Variants in EBF2 observed in about 807,000 individuals in gnomAD.
EBF2 encodes the protein EBF transcription factor 2, also known as transcription factor COE2.
In EBF2, 21 loss-of-function variants were observed where a neutral mutation model predicts 72.8. The observed-to-expected ratio is 0.29, with a 90% CI of 0.20 to 0.42. EBF2 has a LOEUF of 0.42. Ranked by LOEUF, EBF2 falls within the 10% of genes least tolerant of loss-of-function variation. EBF2 has a pLI of 1.00. For missense variants in EBF2, 637 were observed against 731.2 expected (o/e 0.87, Z 1.49); for synonymous variants, 299 against 274.2 (o/e 1.09, Z -0.89).
chr8:25,877,679 A>G (rs1393549508), intron 10 of EBF2, among the ~76,000 whole-genome samples: 1 of 152,160 alleles, frequency 6.6e-6, no homozygotes, highest in Non-Finnish European at 1.5e-5. Context: ...GAGTGTGTGC[A>G]GTGGGACAGG....
chr8:25,927,579 C>G (rs1803407006), intron 6 of EBF2, among the ~76,000 whole-genome samples: 2 of 152,072 alleles, frequency 1.3e-5, no homozygotes, highest in African/African-American at 4.8e-5. Context: ...GTGGTCCTTT[C>G]TGCTAGGGTG....
intron 6 of EBF2, among the ~76,000 whole-genome samples, chr8:25,922,954 G>GC (rs571462060): frequency 7.0e-6 from 1 of 141,870 alleles, no homozygotes; most frequent in Non-Finnish European, 1.5e-5. Context: ...ACTACTAAAG[G>GC]AAAAAAAAAA....
Position 25,908,661 on chromosome 8 carries a change from T to C in EBF2, c.552-106A>G, listed in dbSNP as rs74844693. 164 of 803,436 alleles carry C rather than the reference T, an allele frequency of 2.0e-4. 3 individuals are homozygous for C. In the South Asian group the frequency reaches 2.8e-3, roughly 13 times the overall value. The allele number at this position is 803,436 out of a possible 1,614,324, so 49.8% of individuals were successfully genotyped here. On this transcript the variant is annotated intron_variant, in intron 6 of 15. Coordinates refer to ENST00000520164, the MANE Select transcript of EBF2 (RefSeq NM_022659.4). ...TTTGACAGCGATTCTATTTCAGATC[T>C]GGGGAATTTCAACCTGCCCTGCCTG...
chr8:25,861,200 G>A lies in EBF2; in HGVS notation c.1191C>T (p.Asp397=), dbSNP rs1563379055. 1 of 1,613,578 alleles carries A rather than the reference G, an allele frequency of 6.2e-7. No individual in the cohort carries two copies. ...NQDIILKRAA[D]IAEALYSVPR... ...GGACGCTGTAGAGAGCTTCAGCAAT[G>A]TCTGCGGCTCGCTTCAAAATGATGT... The change falls in exon 13 of 16, where the codon GAC becomes GAT. Residue 397 remains aspartate (D), a synonymous_variant. Coordinates refer to ENST00000520164, the MANE Select transcript of EBF2 (RefSeq NM_022659.4).
intron 15 of EBF2, among the ~76,000 whole-genome samples, chr8:25,847,549 G>A (rs1039585251): frequency 6.6e-6 from 1 of 152,164 alleles, no homozygotes; most frequent in African/African-American, 2.4e-5. Context: ...CTCCCAGCCA[G>A]GCTGTAGGAA....
rs140385967 is a variant in EBF2, at chr8:25,875,696, C to T, written c.1009+11059G>A. On this transcript the variant is annotated intron_variant, in intron 10 of 15. Transcript: ENST00000520164. ...TACTATTGTGTTCACAGTGAAAGGA[C>T]CCAGTCTCATAAGAACCTTCCCAAG... is the stretch of plus-strand genomic sequence containing the variant. Among the ~76,000 whole-genome samples the T allele has an allele frequency of 1.4e-3, 210 of 152,304 alleles. 3 individuals carry two copies. The highest frequency in any genetic ancestry group is 4.7e-3 in the African/African-American group (196 of 41,566).
In EBF2 at chr8:25,858,457, T is replaced by C. The variant is rs764235604; in HGVS notation, c.1390A>G (p.Ser464Gly). 8.1e-6 allele frequency: 13 copies of C among 1,613,910 alleles called. No homozygotes were observed. The highest frequency in any genetic ancestry group is 1.1e-5 in the Non-Finnish European group (13 of 1,180,000). ...SSISPRGYSS[S>G]STPQQSNYST... ...TAATTAGACTGTTGAGGCGTGGAGC[T>C]GGAAGAGTATCCCCGCGGAGAGATG... The change falls in exon 14 of 16, where the codon AGC becomes GGC. Residue 464 changes from serine to glycine, a missense_variant. Transcript: ENST00000520164.
At chr8:25,896,177 G>A (rs147938414) in intron 7 of EBF2, among the ~76,000 whole-genome samples, 112 of 152,260 alleles carry the variant, frequency 7.4e-4, no homozygotes, top group Middle Eastern at 3.4e-3. Context: ...TGAAACAGAC[G>A]ACAATTCCAA....
At chr8:25,919,705 G>A (rs1306131409) in intron 6 of EBF2, among the ~76,000 whole-genome samples, 2 of 152,130 alleles carry the variant, frequency 1.3e-5, no homozygotes, top group Non-Finnish European at 2.9e-5. Context: ...CCAGCACCTC[G>A]GAGGCTGTTG....
chr8:25,864,797 CTATT>C (rs1397785964), intron 10 of EBF2, among the ~76,000 whole-genome samples: 4 of 141,328 alleles, frequency 2.8e-5, no homozygotes, highest in African/African-American at 1.1e-4. Flanking sequence ...ATTTTCTCAA[CTATT>C]TTTTTTTTTT....
chr8:25,925,439 TG>T (rs1292902470), intron 6 of EBF2, among the ~76,000 whole-genome samples: 3 of 151,524 alleles, frequency 2.0e-5, no homozygotes, highest in African/African-American at 7.3e-5. Flanking sequence ...TACAGCAAGG[TG>T]TGAACAGAGC....
At chr8:26,023,623 G>A (rs1585231658) in intron 6 of EBF2, among the ~76,000 whole-genome samples, 1 of 152,256 alleles carries the variant, frequency 6.6e-6, no homozygotes, top group East Asian at 1.9e-4. Flanking sequence ...CTGAGTTTCT[G>A]CTTTCTCACA....
intron 6 of EBF2, among the ~76,000 whole-genome samples, chr8:25,946,556 C>T (rs909416915): frequency 6.6e-6 from 1 of 152,202 alleles, no homozygotes; most frequent in African/African-American, 2.4e-5. Flanking sequence ...TCTCTTCCCT[C>T]CTTGCACCTT....
At chr8:25,946,303 C>T (rs1020163310) in intron 6 of EBF2, among the ~76,000 whole-genome samples, 1 of 152,194 alleles carries the variant, frequency 6.6e-6, no homozygotes, top group African/African-American at 2.4e-5. Context: ...GACCAGCATG[C>T]AAACACCATG....
At chr8:26,041,367 G>A in intron 2 of EBF2, 1 of 277,366 alleles carries the variant, frequency 3.6e-6, no homozygotes, top group Non-Finnish European at 6.9e-6. Flanking sequence ...TCCCTTGGCA[G>A]AAAAGTGAAG....
intron 13 of EBF2, 42 bp downstream of exon 13, chr8:25,861,006 TA>T (rs1802202515): frequency 6.2e-7 from 1 of 1,613,002 alleles, no homozygotes; most frequent in African/African-American, 1.3e-5. Flanking sequence ...CAGAACTTTT[TA>T]AATTAGACAT....
chr8:25,876,965 G>A (rs1461618764), intron 10 of EBF2, among the ~76,000 whole-genome samples: 21 of 152,146 alleles, frequency 1.4e-4, no homozygotes, highest in Admixed American at 1.4e-3. Flanking sequence ...TCTGTCTTAT[G>A]ATAGAACTTA....
chr8:25,861,517 C>T, intron 11 of EBF2, 143 bp from the exon 12 acceptor site: 1 of 791,692 alleles, frequency 1.3e-6, no homozygotes, highest in Admixed American at 2.4e-5. Context: ...TTTGGTTTGA[C>T]AGGTAGAATA....
At chr8:25,973,674 TG>T (rs1804224891) in intron 6 of EBF2, among the ~76,000 whole-genome samples, 1 of 152,182 alleles carries the variant, frequency 6.6e-6, no homozygotes, top group East Asian at 1.9e-4. Context: ...GTTTTTCTTT[TG>T]TTTTTCTTTT....
Sources: allele counts gnomAD v4.1 joint callset (sites outside exome capture counted in the v4.1 genomes callset), GRCh38; gene constraint gnomAD v4.1.1; transcripts MANE v1.5; gene names NCBI Gene and HGNC (gene_info 2026-07-23, HGNC 2026-07-21).